The following TPTE2 variants were observed in gnomAD, a reference collection of about 807,000 sequenced individuals.
The protein encoded by TPTE2 is phosphatidylinositol 3,4,5-trisphosphate 3-phosphatase TPTE2.
In TPTE2, 53 loss-of-function variants were observed where a neutral mutation model predicts 78.6. The ratio of observed to expected loss-of-function variants is 0.67; its 90% CI spans 0.54 to 0.85. The LOEUF (loss-of-function observed/expected upper bound fraction) is 0.85, where lower values mean the gene tolerates loss of function less well. Among genes scored for constraint, TPTE2 ranks in the 40% least tolerant of loss-of-function variants. The pLI is 0.00. For synonymous variants in TPTE2, 175 were observed against 206.2 expected (o/e 0.85, Z 1.30); for missense variants, 461 against 623.0 (o/e 0.74, Z 2.77).
chr13:19,485,805 T>G (rs1301547490), intron 3 of TPTE2, among the ~76,000 whole-genome samples: 1 of 152,062 alleles, frequency 6.6e-6, no homozygotes, highest in Non-Finnish European at 1.5e-5. Context: ...TGTTCTTGTC[T>G]GTAAAGCCAT....
chr13:19,440,428 TAA>T (rs35288537), intron 13 of TPTE2, among the ~76,000 whole-genome samples: 9,462 of 151,662 alleles, frequency 0.062, 359 homozygotes, highest in Middle Eastern at 0.099. Flanking sequence ...TCTTTCTTGA[TAA>T]AAAAAAAACA....
chr13:19,494,608 G>C (rs562755853), intron 1 of TPTE2, among the ~76,000 whole-genome samples: 1 of 152,006 alleles, frequency 6.6e-6, no homozygotes, highest in Non-Finnish European at 1.5e-5. Context: ...AGGGTTTCAC[G>C]ATGTTTGCCA....
rs113797475 is a variant in TPTE2 at position 19,511,849 on chromosome 13, C to A, written c.-43-8572G>T. On this transcript the variant is annotated intron_variant, in intron 1 of 17. Coordinates refer to the TPTE2 transcript ENST00000390680. ...ATGATACTTATTAAACACAGAAAAA[C>A]CACTTTTTTTAAAAAAAAAATCACC... 9.4e-4 allele frequency among the ~76,000 whole-genome samples: 136 copies of A among 145,354 alleles called. 3 individuals are homozygous for A. The highest frequency in any genetic ancestry group is 3.4e-3 in the African/African-American group (129 of 38,434).
At chr13:19,488,953 C>T (rs1410566802) in intron 3 of TPTE2, among the ~76,000 whole-genome samples, 1 of 152,156 alleles carries the variant, frequency 6.6e-6, no homozygotes, top group African/African-American at 2.4e-5. Context: ...AGCCATGTGA[C>T]TCTTCCTTTC....
chr13:19,485,137 C>T (rs554607584), intron 3 of TPTE2, among the ~76,000 whole-genome samples: 2 of 152,216 alleles, frequency 1.3e-5, no homozygotes, highest in Admixed American at 6.5e-5. Context: ...TATGCATTGA[C>T]TCTAACAGTA....
intron 10 of TPTE2, among the ~76,000 whole-genome samples, chr13:19,460,207 G>A (rs1429335739): frequency 2.0e-5 from 3 of 152,186 alleles, no homozygotes; most frequent in South Asian, 4.1e-4. Flanking sequence ...GGGCTCACAA[G>A]GGGATCTCTT....
At chr13:19,534,589 C>A (rs1389197591) in intron 1 of TPTE2, among the ~76,000 whole-genome samples, 1 of 152,156 alleles carries the variant, frequency 6.6e-6, no homozygotes, top group Non-Finnish European at 1.5e-5. Flanking sequence ...GAGCTACTTC[C>A]TCCCTCTACC....
At chr13:19,541,477 G>C (rs1462152556), upstream of TPTE2, among the ~76,000 whole-genome samples, 1 of 152,174 alleles carries the variant, frequency 6.6e-6, no homozygotes, top group East Asian at 1.9e-4. Flanking sequence ...TAGGCCCCCA[G>C]TACAATGCTG....
chr13:19,543,397 T>C, the TPTE2 span, among the ~76,000 whole-genome samples: 7 of 146,460 alleles, frequency 4.8e-5, no homozygotes, highest in African/African-American at 1.5e-4. Context: ...TTCACTCTTG[T>C]CTTCTAGGCT....
At position 19,473,894 on chromosome 13, in the gene TPTE2, A is replaced by G. The variant is rs1163966501; in HGVS notation, c.392+20T>C. On this transcript the variant is annotated intron_variant, in intron 6 of 19. Transcript: ENST00000400230. ...AAAGTACAAAATAGCTTAATGCATTATAAAAATAATCAAACTTACCCTTCT... is the reference window on the plus strand; with the variant it reads ...AAAGTACAAAATAGCTTAATGCATTGTAAAAATAATCAAACTTACCCTTCT... 3.2e-6 allele frequency: 5 copies of G among 1,573,916 alleles called. No homozygotes were observed. In the African/African-American group the frequency reaches 7.0e-5, roughly 22 times the overall value.
chr13:19,443,737 TACACACACAC>T (rs373060672), intron 13 of TPTE2, among the ~76,000 whole-genome samples: 55 of 129,772 alleles, frequency 4.2e-4, no homozygotes, highest in African/African-American at 1.6e-3. Context: ...TGGTAGCTAA[TACACACACAC>T]ACACACACAC....
chr13:19,440,265 A>G (rs2137503300), intron 13 of TPTE2, among the ~76,000 whole-genome samples: 1 of 152,330 alleles, frequency 6.6e-6, no homozygotes. Flanking sequence ...CAGCACATCA[A>G]AAAGTTCACC....
intron 1 of TPTE2, among the ~76,000 whole-genome samples, chr13:19,514,592 A>AGTGTGTGTGTGTGTGTGTGT (rs151110694): frequency 0.089 from 11,286 of 126,454 alleles, 1,077 homozygotes; most frequent in Non-Finnish European, 0.12. Flanking sequence ...TACTTCTGAG[A>AGTGTGTGTGTGTGTGTGTGT]GTGTGTGTGT....
At chr13:19,502,844 G>A (rs1255752133) in intron 1 of TPTE2, among the ~76,000 whole-genome samples, 2 of 147,736 alleles carry the variant, frequency 1.4e-5, no homozygotes, top group African/African-American at 5.0e-5. Flanking sequence ...TCTTGTTGAA[G>A]CCAAAAAAAA....
intron 15 of TPTE2, among the ~76,000 whole-genome samples, chr13:19,435,930 G>T (rs1877050557): frequency 6.6e-6 from 1 of 152,136 alleles, no homozygotes; most frequent in Admixed American, 6.6e-5. Context: ...GGGTCCTGGA[G>T]CCTTGGGTAC....
At chr13:19,483,112 A>C (rs1444363136) in intron 3 of TPTE2, among the ~76,000 whole-genome samples, 1 of 152,220 alleles carries the variant, frequency 6.6e-6, no homozygotes, top group Non-Finnish European at 1.5e-5. Context: ...AGCAAGTCAC[A>C]GTCTTTTTGC....
exon 1 of TPTE2, chr13:19,536,717 C>G (rs773770239): frequency 1.3e-5 from 2 of 152,088 alleles, no homozygotes; most frequent in Non-Finnish European, 2.9e-5. Context: ...TATCAGTTCT[C>G]CAGGTCTTGG....
At chr13:19,449,199 G>C (rs1267433255) in intron 13 of TPTE2, among the ~76,000 whole-genome samples, 3 of 152,064 alleles carry the variant, frequency 2.0e-5, no homozygotes, top group Admixed American at 2.0e-4. Context: ...TTTAGATGGA[G>C]TTTTGTTCTT....
At chr13:19,546,902 G>T in the TPTE2 span, among the ~76,000 whole-genome samples, 4 of 147,950 alleles carry the variant, frequency 2.7e-5, no homozygotes, top group African/African-American at 7.4e-5. Context: ...AGGAGAAAAA[G>T]AAAAAAAAAT....
Sources: gnomAD v4.1 joint callset for allele counts (sites outside exome capture counted in the v4.1 genomes callset) on GRCh38, gnomAD v4.1.1 for gene constraint, MANE v1.5 for transcripts, NCBI Gene and HGNC (gene_info 2026-07-23, HGNC 2026-07-21) for gene names.